Variants in PHACTR1 observed in about 807,000 individuals in gnomAD.
The protein encoded by PHACTR1 is phosphatase and actin regulator 1.
In PHACTR1, 16 loss-of-function variants were observed where a neutral mutation model predicts 69.2. That is an observed-to-expected ratio of 0.23 (90% CI 0.16 to 0.35). The LOEUF (loss-of-function observed/expected upper bound fraction) is 0.35, where lower values mean the gene tolerates loss of function less well. Ranked by LOEUF, PHACTR1 falls within the 10% of genes least tolerant of loss-of-function variation. PHACTR1 has a pLI of 1.00. For missense variants in PHACTR1, 510 were observed against 734.7 expected (o/e 0.69, Z 3.54); for synonymous variants, 312 against 284.5 (o/e 1.10, Z -0.97).
intron 4 of PHACTR1, among the ~76,000 whole-genome samples, chr6:12,924,002 A>C (rs936157815): frequency 2.6e-5 from 4 of 152,234 alleles, no homozygotes; most frequent in African/African-American, 9.6e-5. Context: ...ATTCTAAAGT[A>C]AACTGAATAT....
chr6:12,749,843 C>T (rs1051004121), intron 4 of PHACTR1, 53 bp downstream of exon 4: 4 of 1,457,376 alleles, frequency 2.7e-6, no homozygotes, highest in African/African-American at 1.4e-5. Context: ...CCCTCCCTCC[C>T]CGGCTGTTGA....
intron 10 of PHACTR1, among the ~76,000 whole-genome samples, chr6:13,252,615 T>TAAAA (rs200936005): frequency 0.07 from 10,210 of 145,788 alleles, 609 homozygotes; most frequent in Admixed American, 0.22. Context: ...CTGCTGTTAT[T>TAAAA]AAAAAAAAAA....
rs749597463 is a variant in PHACTR1 at position 12,749,787 on chromosome 6, G to T, written c.247G>T (p.Ala83Ser). 5 of 1,598,710 alleles carry T rather than the reference G, an allele frequency of 3.1e-6. No homozygotes were observed. The highest frequency in any genetic ancestry group is 1.3e-5 in the African/African-American group (1 of 74,668). The change falls in exon 4 of 15, where the codon GCA becomes TCA. Residue 83 changes from alanine (A) to serine (S), a missense_variant. By Grantham distance (99) the Ala-to-Ser change is moderately conservative. This residue lies in a region of PHACTR1 where 419 missense variants were observed against 530.9 expected (regional missense o/e 0.79). Transcript: ENST00000332995. ...AEARISFNLG[A>S]AEEVERLAAM... ...GGCCAGGATCTCCTTTAACCTGGGGGCAGGTAAGAACGCCCCTGGCGCCGC... is the reference window on the plus strand; with the variant it reads ...GGCCAGGATCTCCTTTAACCTGGGGTCAGGTAAGAACGCCCCTGGCGCCGC...
At chr6:12,939,404 C>A (rs1272175623) in intron 4 of PHACTR1, among the ~76,000 whole-genome samples, 1 of 151,766 alleles carries the variant, frequency 6.6e-6, no homozygotes, top group African/African-American at 2.4e-5. Context: ...TGTCAGAAAA[C>A]CTGGATTTGA....
intron 4 of PHACTR1, among the ~76,000 whole-genome samples, chr6:12,806,068 T>G: frequency 6.6e-6 from 1 of 152,186 alleles, no homozygotes; most frequent in East Asian, 1.9e-4. Context: ...TAGCTCAGTA[T>G]TCTATATTTG....
At chr6:13,239,111 T>C (rs933684995) in intron 10 of PHACTR1, among the ~76,000 whole-genome samples, 2 of 152,106 alleles carry the variant, frequency 1.3e-5, no homozygotes, top group African/African-American at 4.8e-5. Context: ...ACCGCCCTGG[T>C]ATTCGCTCAT....
intron 3 of PHACTR1, among the ~76,000 whole-genome samples, chr6:12,720,029 C>T (rs1690336227): frequency 6.6e-6 from 1 of 152,200 alleles, no homozygotes; most frequent in Admixed American, 6.5e-5. Context: ...TGTATGGAGT[C>T]AACATGGCTG....
At chr6:13,071,101 A>G (rs1442979191) in intron 5 of PHACTR1, among the ~76,000 whole-genome samples, 1 of 152,140 alleles carries the variant, frequency 6.6e-6, no homozygotes, top group Non-Finnish European at 1.5e-5. Context: ...GTGAATATAA[A>G]ACATGTAGAA....
At chr6:13,144,758 G>A in intron 5 of PHACTR1, among the ~76,000 whole-genome samples, 1 of 117,678 alleles carries the variant, frequency 8.5e-6, no homozygotes, top group African/African-American at 3.3e-5. Context: ...GCAACAGACT[G>A]AGACCCTGTC....
At chr6:12,942,417 CCA>C (rs1334364782) in intron 4 of PHACTR1, among the ~76,000 whole-genome samples, 3 of 152,148 alleles carry the variant, frequency 2.0e-5, no homozygotes, top group Non-Finnish European at 4.4e-5. Flanking sequence ...TTTAAAGTAA[CCA>C]CAACTTCATG....
chr6:12,763,633 T>C (rs1299241783), intron 4 of PHACTR1, among the ~76,000 whole-genome samples: 1 of 152,220 alleles, frequency 6.6e-6, no homozygotes, highest in Non-Finnish European at 1.5e-5. Context: ...GCATAATTAC[T>C]CAATCAGGCA....
Position 13,282,981 on chromosome 6 carries a change from T to A in PHACTR1, c.1510-441T>A, listed in dbSNP as rs149637271. ...GAAGTCCTAATCTTTATATATTCTA[T>A]ACTGAAATATACACAGATAAAATGA... On this transcript the variant is annotated intron_variant, in intron 12 of 14. Transcript: ENST00000332995. 3.3e-5 allele frequency among the ~76,000 whole-genome samples: 5 copies of A among 152,306 alleles called. No homozygotes were observed. The East Asian group carries it at 9.6e-4, about 29-fold the overall frequency.
chr6:12,875,866 TGCTC>T (rs1782481049), intron 4 of PHACTR1, among the ~76,000 whole-genome samples: 1 of 152,108 alleles, frequency 6.6e-6, no homozygotes, highest in African/African-American at 2.4e-5. Flanking sequence ...ATCTCCACCG[TGCTC>T]TTTACAAGTG....
chr6:13,224,368 G>A (rs1301255796), intron 8 of PHACTR1, among the ~76,000 whole-genome samples: 2 of 152,226 alleles, frequency 1.3e-5, no homozygotes, highest in Non-Finnish European at 2.9e-5. Flanking sequence ...ACACATTCCA[G>A]GCCAAGAGCA....
intron 4 of PHACTR1, among the ~76,000 whole-genome samples, chr6:12,830,521 C>T (rs1204237330): frequency 1.1e-4 from 16 of 151,796 alleles, no homozygotes; most frequent in Admixed American, 1.0e-3. Context: ...TCTATTATCA[C>T]CTAGGGGCAG....
At chr6:13,202,837 T>C (rs1410903022) in intron 7 of PHACTR1, among the ~76,000 whole-genome samples, 1 of 152,148 alleles carries the variant, frequency 6.6e-6, no homozygotes, top group Non-Finnish European at 1.5e-5. Flanking sequence ...TGGACAATGG[T>C]GTTGAGTTTT....
chr6:13,252,340 A>AG (rs1182189427), intron 10 of PHACTR1, among the ~76,000 whole-genome samples: 10 of 149,444 alleles, frequency 6.7e-5, no homozygotes, highest in African/African-American at 2.5e-4. Flanking sequence ...AAAAAAAAAA[A>AG]AAAGAAAAAG....
chr6:12,750,097 C>T (rs560748568), intron 4 of PHACTR1, among the ~76,000 whole-genome samples: 1 of 152,160 alleles, frequency 6.6e-6, no homozygotes. Context: ...CGCGCCCATG[C>T]GCAGGCTGCG....
intron 5 of PHACTR1, among the ~76,000 whole-genome samples, chr6:13,067,327 A>G (rs1808800643): frequency 6.6e-6 from 1 of 152,228 alleles, no homozygotes; most frequent in Admixed American, 6.5e-5. Flanking sequence ...CTTAGCCTGC[A>G]GTCTTCTCAA....
Sources: gnomAD v4.1 joint callset for allele counts (sites outside exome capture counted in the v4.1 genomes callset) on GRCh38, gnomAD v4.1.1 for gene constraint, gnomAD v4.1.1 regional missense constraint, MANE v1.5 for transcripts, NCBI Gene and HGNC (gene_info 2026-07-23, HGNC 2026-07-21) for gene names.